The following AQP9 variants were observed in gnomAD, a reference collection of about 807,000 sequenced individuals.
The protein encoded by AQP9 is aquaporin-9.
A neutral mutation model predicts 23.8 loss-of-function variants in AQP9; 19 were observed. The ratio of observed to expected loss-of-function variants is 0.80; its 90% confidence interval spans 0.56 to 1.17. AQP9 has a LOEUF of 1.17. Ranked by LOEUF, AQP9 falls within the 50% of genes most tolerant of loss-of-function variation. AQP9 has a pLI of 0.00. For synonymous variants in AQP9, 153 were observed against 131.5 expected (o/e 1.16, Z -1.12); for missense variants, 413 against 362.0 (o/e 1.14, Z -1.14).
chr15:58,174,900 G>C lies in AQP9; in HGVS notation c.377-18G>C, dbSNP rs372698951. 651 of 1,605,898 alleles carry C rather than the reference G, an allele frequency of 4.1e-4. No individual in the cohort carries two copies. The highest frequency in any genetic ancestry group is 4.7e-4 in the Non-Finnish European group (554 of 1,172,638). ...CTTCCCAGGGAACACTAATGTGCCA[G>C]AGCTTTCTCTTTCATAGATGGACTT... is the stretch of plus-strand genomic sequence containing the variant. On this transcript the variant is annotated intron_variant, in intron 3 of 5. Transcript: ENST00000219919.
intron 2 of AQP9, among the ~76,000 whole-genome samples, chr15:58,167,475 AC>A (rs1444192098): frequency 6.6e-6 from 1 of 152,184 alleles, no homozygotes; most frequent in Non-Finnish European, 1.5e-5. Flanking sequence ...AAGAAAGGGA[AC>A]TGAGAAACCA....
At chr15:58,160,386 C>G (rs1408023284) in intron 1 of AQP9, among the ~76,000 whole-genome samples, 1 of 152,002 alleles carries the variant, frequency 6.6e-6, no homozygotes, top group Non-Finnish European at 1.5e-5. Flanking sequence ...GTTTGAGCTC[C>G]TTATATATTA....
chr15:58,171,903 C>G (rs2140624158), intron 2 of AQP9, among the ~76,000 whole-genome samples: 1 of 152,302 alleles, frequency 6.6e-6, no homozygotes, highest in African/African-American at 2.4e-5. Flanking sequence ...CGACCAAGGC[C>G]ACAGCCTGAA....
At chr15:58,181,239 A>G (rs1310782423) in intron 5 of AQP9, among the ~76,000 whole-genome samples, 1 of 152,224 alleles carries the variant, frequency 6.6e-6, no homozygotes, top group African/African-American at 2.4e-5. Context: ...TTTCCCTTCC[A>G]TGGAGTCATT....
Position 58,183,955 on chromosome 15 carries a change from T to C in AQP9, c.714-6T>C, listed in dbSNP as rs1326499181. ...AATGTATCACTAATTTCTTGTTTGA[T>C]TTCAGAGCTGGAAACAACTTCTGGT... On this transcript the variant is annotated splice_polypyrimidine_tract_variant and splice_region_variant and intron_variant, in intron 5 of 5. Coordinates refer to ENST00000219919, the MANE Select transcript of AQP9 (RefSeq NM_020980.5). The C allele has an allele frequency of 4.3e-6, 7 of 1,613,490 alleles. No homozygotes were observed. Among genetic ancestry groups the C allele is most frequent in the South Asian group, 3.3e-5 (3 of 91,044 alleles).
At chr15:58,143,938 G>C (rs1165612625) in intron 1 of AQP9, among the ~76,000 whole-genome samples, 1 of 152,180 alleles carries the variant, frequency 6.6e-6, no homozygotes, top group Non-Finnish European at 1.5e-5. Flanking sequence ...TGATTTCAAA[G>C]TTGTACTTCC....
chr15:58,161,600 T>A (rs1320175535), intron 1 of AQP9, among the ~76,000 whole-genome samples: 1 of 152,184 alleles, frequency 6.6e-6, no homozygotes, highest in Non-Finnish European at 1.5e-5. Flanking sequence ...CAACTAGATG[T>A]ATTTGTTATA....
chr15:58,147,088 C>G (rs1011105109), intron 1 of AQP9, among the ~76,000 whole-genome samples: 3 of 152,168 alleles, frequency 2.0e-5, no homozygotes, highest in Non-Finnish European at 2.9e-5. Context: ...GATCACTGAT[C>G]TAAGGGCTGC....
In AQP9 at chr15:58,168,656, A is replaced by G. The variant is rs559190326; in HGVS notation, c.238+1857A>G. ...CAGAACTTTGCAACCTTGACCTCCC[A>G]GATTCCTATATATGTGATTTGTTAG... is the stretch of plus-strand genomic sequence containing the variant. On this transcript the variant is annotated intron_variant, in intron 2 of 5. Coordinates refer to ENST00000219919, the MANE Select transcript of AQP9 (RefSeq NM_020980.5). Among the ~76,000 whole-genome samples, 3 of 152,294 alleles carry G rather than the reference A, an allele frequency of 2.0e-5. No individual in the cohort carries two copies. The East Asian group carries it at 5.8e-4, about 29-fold the overall frequency.
intron 4 of AQP9, among the ~76,000 whole-genome samples, chr15:58,177,800 A>G (rs1173562752): frequency 1.1e-4 from 16 of 152,242 alleles, no homozygotes; most frequent in Admixed American, 9.8e-4. Flanking sequence ...GTAAAACAGT[A>G]GTTTGGAAAA....
intron 2 of AQP9, among the ~76,000 whole-genome samples, chr15:58,168,663 T>C (rs1202870422): frequency 6.6e-6 from 1 of 152,174 alleles, no homozygotes; most frequent in East Asian, 1.9e-4. Context: ...CCCAGATTCC[T>C]ATATATGTGA....
At chr15:58,174,569 A>T (rs998199066) in intron 3 of AQP9, among the ~76,000 whole-genome samples, 4 of 152,170 alleles carry the variant, frequency 2.6e-5, no homozygotes, top group Non-Finnish European at 4.4e-5. Context: ...TGGGAATTAT[A>T]AATTATTCCT....
chr15:58,182,802 C>A (rs545606532), intron 5 of AQP9, among the ~76,000 whole-genome samples: 1 of 152,060 alleles, frequency 6.6e-6, no homozygotes, highest in Non-Finnish European at 1.5e-5. Context: ...TGGAGGACTT[C>A]GGAGACCACT....
In AQP9 at chr15:58,184,098, A is replaced by G. The variant is rs201914936; in HGVS notation, c.851A>G (p.Asp284Gly). 22 of 1,613,938 alleles carry G rather than the reference A, an allele frequency of 1.4e-5. No individual in the cohort carries two copies. The highest frequency in any genetic ancestry group is 1.9e-5 in the Non-Finnish European group (22 of 1,179,982). Residue 284 changes from aspartate (D) to glycine (G), a missense_variant, in exon 6 of 6, where the codon GAC becomes GGC. Asp to Gly is a moderately conservative substitution (Grantham distance 94). Coordinates refer to ENST00000219919, the MANE Select transcript of AQP9 (RefSeq NM_020980.5). ...GTCTTTAAGACAGAACAATCTGAGG[A>G]CAAACCAGAGAAATATGAACTCAGT... Reference protein sequence around the residue: ...DSVFKTEQSEDKPEKYELSVI... With the variant: ...DSVFKTEQSEGKPEKYELSVI...
chr15:58,145,285 C>T (rs1445835429), intron 1 of AQP9, among the ~76,000 whole-genome samples: 1 of 151,526 alleles, frequency 6.6e-6, no homozygotes, highest in Non-Finnish European at 1.5e-5. Flanking sequence ...GGTGGATCAC[C>T]TAAGGTCAGG....
intron 1 of AQP9, chr15:58,154,322 C>G (rs943860559): frequency 6.6e-6 from 1 of 152,094 alleles, no homozygotes; most frequent in African/African-American, 2.4e-5. Flanking sequence ...ACCATACCTG[C>G]CCCAAAAGGC....
intron 4 of AQP9, 39 bp downstream of exon 4, chr15:58,175,075 A>G (rs1455582051): frequency 6.6e-7 from 1 of 1,517,896 alleles, no homozygotes; most frequent in South Asian, 1.1e-5. Context: ...TTTGGTGAAA[A>G]GATATGCTCT....
chr15:58,162,540 C>T (rs1416042147), intron 1 of AQP9, among the ~76,000 whole-genome samples: 1 of 152,150 alleles, frequency 6.6e-6, no homozygotes, highest in Admixed American at 6.5e-5. Flanking sequence ...AGGTGAACAC[C>T]TATTTAGGAT....
At chr15:58,156,269 C>T (rs1038443088) in intron 1 of AQP9, among the ~76,000 whole-genome samples, 2 of 152,158 alleles carry the variant, frequency 1.3e-5, no homozygotes, top group Non-Finnish European at 2.9e-5. Flanking sequence ...TACATTAGTG[C>T]TTTTATATAC....
Sources: allele counts gnomAD v4.1 joint callset (sites outside exome capture counted in the v4.1 genomes callset), GRCh38; gene constraint gnomAD v4.1.1; transcripts MANE v1.5; gene names NCBI Gene and HGNC (gene_info 2026-07-23, HGNC 2026-07-21).